BANF2: variants seen among roughly 807,000 people sequenced by gnomAD.
BANF2 encodes BANF family member 2.
Under a neutral mutation model 8.0 loss-of-function variants are expected in BANF2, and 4 were observed. That is an observed-to-expected ratio of 0.50 (90% CI 0.25 to 1.14). The LOEUF is 1.14. Among genes scored for constraint, BANF2 ranks in the 50% most tolerant of loss-of-function variants. The pLI is 0.16. For synonymous variants in BANF2, 50 were observed against 40.6 expected, an observed-to-expected ratio of 1.23 and a Z score of -0.88; for missense variants, 96 against 107.5, an observed-to-expected ratio of 0.89 and a Z score of 0.47.
intron 1 of BANF2, among the ~76,000 whole-genome samples, chr20:17,722,434 T>A (rs1043466572): frequency 6.6e-6 from 1 of 152,248 alleles, no homozygotes; most frequent in Admixed American, 6.5e-5. Context: ...TTCAGGCTTT[T>A]CCTTGCTCAG....
rs995802394 is a variant in BANF2, at chr20:17,722,829, C to T, written c.-53C>T. 6.2e-5 allele frequency: 61 copies of T among 985,080 alleles called. No individual in the cohort carries two copies. The highest frequency in any genetic ancestry group is 1.2e-4 in the Admixed American group (2 of 16,260). The allele number at this position is 985,080 out of a possible 1,614,324, so 61.0% of individuals were successfully genotyped here. ...CAGTGTCTTCTGAAATGTTACAAAA[C>T]GTCCTTCAGAGCAAGAAGGCGTACA... On this transcript the variant is annotated 5_prime_UTR_variant, in exon 2 of 4. It adds an upstream start codon to the 5' untranslated region. Transcript: ENST00000246090.
chr20:17,696,723 C>G (rs1215987700), upstream of BANF2, among the ~76,000 whole-genome samples: 1 of 152,078 alleles, frequency 6.6e-6, no homozygotes, highest in Non-Finnish European at 1.5e-5. Flanking sequence ...CTTCCTCTAG[C>G]CAAGTTGAAA....
At chr20:17,706,897 C>T (rs4813277) in intron 1 of BANF2, among the ~76,000 whole-genome samples, 33,730 of 152,092 alleles carry the variant, frequency 0.22, 3,995 homozygotes, top group East Asian at 0.43. Flanking sequence ...GGCAAGTAGA[C>T]GCTGTGAGCA....
chr20:17,730,507 G>C (rs576465217), intron 3 of BANF2, among the ~76,000 whole-genome samples: 1 of 152,196 alleles, frequency 6.6e-6, no homozygotes, highest in Admixed American at 6.6e-5. Context: ...CTTACTGCAA[G>C]GTTCTGCTCC....
intron 3 of BANF2, among the ~76,000 whole-genome samples, chr20:17,728,012 C>A (rs950366564): frequency 6.6e-6 from 1 of 152,148 alleles, no homozygotes; most frequent in African/African-American, 2.4e-5. Flanking sequence ...CAGGCATGAG[C>A]CACCACACCC....
intron 2 of BANF2, 57 bp from the exon 3 acceptor site, chr20:17,724,966 C>T: frequency 6.6e-7 from 1 of 1,518,012 alleles, no homozygotes; most frequent in Non-Finnish European, 9.0e-7. Flanking sequence ...AGTGTCCATG[C>T]ACACTGGGAG....
At chr20:17,713,053 G>C (rs1327933665) in intron 1 of BANF2, among the ~76,000 whole-genome samples, 1 of 151,992 alleles carries the variant, frequency 6.6e-6, no homozygotes, top group Admixed American at 6.6e-5. Context: ...TTCAAGACCA[G>C]CCTGGGCAAC....
At chr20:17,733,220 G>C in intron 3 of BANF2, among the ~76,000 whole-genome samples, 1 of 152,218 alleles carries the variant, frequency 6.6e-6, no homozygotes, top group Non-Finnish European at 1.5e-5. Flanking sequence ...GGCAGGGGAT[G>C]CATTAGCCTC....
chr20:17,725,018 C>G lies in BANF2; in HGVS notation c.-3-5C>G, dbSNP rs183253893. 3.1e-6 allele frequency: 5 copies of G among 1,605,204 alleles called. No homozygotes were observed. In the South Asian group the frequency reaches 5.5e-5, roughly 18 times the overall value. ...AATCCTCCTCTCTCCCCACTGCTGT[C>G]GCAGGAGATGGACAACATGTCTCCC... On this transcript the variant is annotated splice_region_variant and splice_polypyrimidine_tract_variant and intron_variant, in intron 2 of 3. Transcript: ENST00000246090.
At chr20:17,726,789 T>A (rs1168072988) in intron 3 of BANF2, among the ~76,000 whole-genome samples, 2 of 152,236 alleles carry the variant, frequency 1.3e-5, no homozygotes, top group East Asian at 3.8e-4. Flanking sequence ...GTGGTTGTTG[T>A]TCAGCTATAC....
At chr20:17,711,326 T>G (rs1600217334) in intron 1 of BANF2, among the ~76,000 whole-genome samples, 1 of 152,246 alleles carries the variant, frequency 6.6e-6, no homozygotes, top group East Asian at 1.9e-4. Context: ...ATTGTTTAAC[T>G]GCACAGTGGA....
chr20:17,725,690 G>C (rs934749602), intron 3 of BANF2, among the ~76,000 whole-genome samples: 2 of 152,136 alleles, frequency 1.3e-5, no homozygotes, highest in African/African-American at 4.8e-5. Context: ...TGTTTTTATG[G>C]GGCTTTTAAA....
chr20:17,723,648 T>G (rs182011423), intron 2 of BANF2, among the ~76,000 whole-genome samples: 1 of 152,328 alleles, frequency 6.6e-6, no homozygotes, highest in Non-Finnish European at 1.5e-5. Flanking sequence ...TAAATGTGGA[T>G]TGGTTGAGAA....
chr20:17,693,731 T>C, intron 1 of BANF2: 1 of 1,551,200 alleles, frequency 6.4e-7, no homozygotes, highest in Non-Finnish European at 8.7e-7. Context: ...TCTGACTTCC[T>C]TGCTCACGGT....
chr20:17,705,293 C>G (rs1036074619), intron 1 of BANF2, among the ~76,000 whole-genome samples: 5 of 152,128 alleles, frequency 3.3e-5, no homozygotes, highest in African/African-American at 1.2e-4. Context: ...AAAAATTGTC[C>G]CAATTGATCA....
intron 1 of BANF2, among the ~76,000 whole-genome samples, chr20:17,715,585 A>G (rs1342085480): frequency 6.6e-6 from 1 of 152,244 alleles, no homozygotes; most frequent in African/African-American, 2.4e-5. Flanking sequence ...AACAACGAGC[A>G]TTAGTGGTCA....
chr20:17,694,737 G>A (rs56012220), intron 1 of BANF2, among the ~76,000 whole-genome samples: 1 of 146,836 alleles, frequency 6.8e-6, no homozygotes, highest in East Asian at 2.1e-4. Flanking sequence ...TCCTCCCTTA[G>A]ACTCCCAAGT....
At chr20:17,730,363 C>A (rs991686469) in intron 3 of BANF2, among the ~76,000 whole-genome samples, 3 of 152,142 alleles carry the variant, frequency 2.0e-5, no homozygotes, top group Non-Finnish European at 4.4e-5. Flanking sequence ...GTGCCGTCTG[C>A]CCCTAAAACT....
At chr20:17,724,504 G>A (rs1204440225) in intron 2 of BANF2, among the ~76,000 whole-genome samples, 3 of 152,168 alleles carry the variant, frequency 2.0e-5, no homozygotes, top group East Asian at 1.9e-4. Context: ...GAGGAATGGC[G>A]CTGCGACCCA....
Sources: gnomAD v4.1 joint callset for allele counts (sites outside exome capture counted in the v4.1 genomes callset) on GRCh38, gnomAD v4.1.1 for gene constraint, MANE v1.5 for transcripts, NCBI Gene and HGNC (gene_info 2026-07-23, HGNC 2026-07-21) for gene names.